NRIP1: variants seen among roughly 807,000 people sequenced by gnomAD.
NRIP1 encodes nuclear receptor-interacting protein 1.
Under a neutral mutation model 75.0 loss-of-function variants are expected in NRIP1, and 28 were observed. The ratio of observed to expected loss-of-function variants is 0.37; its 90% confidence interval spans 0.28 to 0.51. NRIP1 has a LOEUF of 0.51. Ranked by LOEUF, NRIP1 falls within the 20% of genes least tolerant of loss-of-function variation. The pLI is 0.92. For synonymous variants in NRIP1, 526 were observed against 487.6 expected, an observed-to-expected ratio of 1.08 and a Z score of -1.04; for missense variants, 1,435 against 1,343.7, an observed-to-expected ratio of 1.07 and a Z score of -1.06.
chr21:14,975,220 T>C (rs1378216634), intron 3 of NRIP1, among the ~76,000 whole-genome samples: 4 of 105,362 alleles, frequency 3.8e-5, no homozygotes, highest in Non-Finnish European at 9.9e-5. Flanking sequence ...AGCACCATAA[T>C]CATTCACATG....
chr21:15,030,079 T>C (rs983883168), intron 2 of NRIP1, among the ~76,000 whole-genome samples: 2 of 152,168 alleles, frequency 1.3e-5, no homozygotes, highest in Non-Finnish European at 1.5e-5. Flanking sequence ...GGCTTAGGCA[T>C]GGGTATATGA....
intron 1 of NRIP1, among the ~76,000 whole-genome samples, chr21:15,047,245 A>C (rs143270681): frequency 2.2e-3 from 335 of 152,160 alleles, no homozygotes; most frequent in African/African-American, 7.4e-3. Flanking sequence ...GCCTCTTATA[A>C]AACCATCAGA....
intron 3 of NRIP1, among the ~76,000 whole-genome samples, chr21:15,011,339 G>A (rs1054698093): frequency 2.6e-5 from 4 of 152,138 alleles, no homozygotes; most frequent in Non-Finnish European, 4.4e-5. Context: ...ACAGGCGCCC[G>A]CCATGGCGCC....
intron 2 of NRIP1, among the ~76,000 whole-genome samples, chr21:15,031,478 C>T (rs1428581626): frequency 7.0e-6 from 1 of 142,302 alleles, no homozygotes; most frequent in Non-Finnish European, 1.5e-5. Flanking sequence ...TGTGTGTACA[C>T]TCTGGAAGGC....
intron 2 of NRIP1, among the ~76,000 whole-genome samples, chr21:15,026,139 G>A (rs1263271422): frequency 2.0e-5 from 3 of 152,078 alleles, no homozygotes; most frequent in Non-Finnish European, 4.4e-5. Context: ...TGTATTGTAC[G>A]TGTAACTTTT....
Position 14,971,977 on chromosome 21 carries a change from G to A in NRIP1, c.-334-3451C>T, listed in dbSNP as rs2086913396. ...TAAAACGTACCAATTACATGAAGTA[G>A]TGGAGAAAAAGGATTTTCTTATGGA... On this transcript the variant is annotated intron_variant, in intron 3 of 3. Coordinates refer to ENST00000318948, the MANE Select transcript of NRIP1 (RefSeq NM_003489.4). Among the ~76,000 whole-genome samples the A allele has an allele frequency of 2.0e-5, 3 of 152,296 alleles. 1 individual carries two copies. The highest frequency in any genetic ancestry group is 6.8e-3 in the Middle Eastern group (2 of 294).
intron 2 of NRIP1, among the ~76,000 whole-genome samples, chr21:15,022,095 T>C (rs2147212839): frequency 6.6e-6 from 1 of 152,324 alleles, no homozygotes; most frequent in East Asian, 1.9e-4. Flanking sequence ...TGCACATGTA[T>C]GTTCACTGCA....
At chr21:15,008,240 A>G (rs1319614836) in intron 3 of NRIP1, among the ~76,000 whole-genome samples, 1 of 152,206 alleles carries the variant, frequency 6.6e-6, no homozygotes, top group African/African-American at 2.4e-5. Context: ...GACCGCCAGC[A>G]TCAGGGATCA....
In NRIP1 at chr21:15,064,776, C is replaced by T. The variant is rs1978722741; in HGVS notation, c.-569G>A. The T allele has an allele frequency of 6.7e-6, 1 of 148,670 alleles. No homozygotes were observed. The highest frequency in any genetic ancestry group is 2.4e-5 in the African/African-American group (1 of 40,990). 9.2% of individuals were successfully genotyped at this position (148,670 alleles called of 1,614,324 possible). On this transcript the variant is annotated 5_prime_UTR_variant, in exon 1 of 4. Coordinates refer to ENST00000318948, the MANE Select transcript of NRIP1 (RefSeq NM_003489.4). ...CCGCCGCGGCTCCCAGCCTCCGGCTCCGTCAGGCTCGGTCCGCGAAGGCGC... is the reference window on the plus strand; with the variant it reads ...CCGCCGCGGCTCCCAGCCTCCGGCTTCGTCAGGCTCGGTCCGCGAAGGCGC...
intron 3 of NRIP1, among the ~76,000 whole-genome samples, chr21:15,012,562 C>T (rs1243765476): frequency 7.1e-6 from 1 of 139,996 alleles, no homozygotes; most frequent in African/African-American, 2.6e-5. Context: ...AAGTGATTCT[C>T]CTGCCTCAGC....
chr21:14,996,785 A>T (rs1450435047), intron 3 of NRIP1, among the ~76,000 whole-genome samples: 1 of 152,140 alleles, frequency 6.6e-6, no homozygotes, highest in Non-Finnish European at 1.5e-5. Flanking sequence ...GCCACTTCTA[A>T]CATAATATTC....
In NRIP1 at chr21:14,964,055, T is replaced by C. The variant is rs1321657502; in HGVS notation, c.*661A>G. ...AAAGGATCTATCAAACTTCCCTCAA[T>C]TGTAATCAATTTTTACTAAGTAGCA... On this transcript the variant is annotated 3_prime_UTR_variant, in exon 4 of 4. Transcript: ENST00000318948. 1 of 152,514 alleles carries C rather than the reference T, an allele frequency of 6.6e-6. No individual in the cohort carries two copies. Among genetic ancestry groups the C allele is most frequent in the East Asian group, 1.9e-4 (1 of 5,196 alleles). The allele number at this position is 152,514 out of a possible 1,614,324, so 9.4% of individuals were successfully genotyped here. A position where few individuals can be genotyped will look rare whatever the true frequency, so the allele number is the denominator to read the frequency against.
At position 14,966,409 on chromosome 21, in the gene NRIP1, G is replaced by A. The variant is rs1350016742; in HGVS notation, c.1784C>T (p.Ala595Val). ...TGTAAGGTCCATTGAGTGGTTAGAT[G>A]CAGTATTTGTTAGCTTTTCAGACTG... is the stretch of plus-strand genomic sequence containing the variant. ...STQSEKLTNT[A>V]SNHSMDLTKS... The change falls in exon 4 of 4, where the codon GCA (alanine) becomes GTA (valine). Residue 595 changes from alanine to valine, a missense_variant. Ala to Val is a moderately conservative substitution (Grantham distance 64). Transcript: ENST00000318948. 1 of 1,614,048 alleles carries A rather than the reference G, an allele frequency of 6.2e-7. No homozygotes were observed. Among genetic ancestry groups the A allele is most frequent in the Non-Finnish European group, 8.5e-7 (1 of 1,179,950 alleles).
At chr21:14,989,875 G>C (rs2087520966) in intron 3 of NRIP1, among the ~76,000 whole-genome samples, 1 of 151,492 alleles carries the variant, frequency 6.6e-6, no homozygotes, top group African/African-American at 2.4e-5. Context: ...ATTTAGACTA[G>C]GGCCACTAGA....
At chr21:14,975,655 AAGGG>A (rs1375444988) in intron 3 of NRIP1, among the ~76,000 whole-genome samples, 8 of 138,618 alleles carry the variant, frequency 5.8e-5, no homozygotes, top group Middle Eastern at 3.6e-3. Flanking sequence ...GGAAGGAAGG[AAGGG>A]AGAGAGAGAG....
chr21:14,966,589 G>C lies in NRIP1; in HGVS notation c.1604C>G (p.Ala535Gly). The change falls in exon 4 of 4, where the codon GCA becomes GGA. Residue 535 changes from alanine to glycine, a missense_variant. Transcript: ENST00000318948. ...GGGGCTTTCTATCACAGAAGTCCTTGCATAATTTTGTGTATTGAACTTGCT... is the reference window on the plus strand; with the variant it reads ...GGGGCTTTCTATCACAGAAGTCCTTCCATAATTTTGTGTATTGAACTTGCT... Reference protein sequence around the residue: ...DVSKFNTQNYARTSVIESPST... With the variant: ...DVSKFNTQNYGRTSVIESPST... 2 of 1,614,094 alleles carry C rather than the reference G, an allele frequency of 1.2e-6. No individual in the cohort carries two copies.
Position 14,964,847 on chromosome 21 carries a change from C to T in NRIP1, c.3346G>A (p.Ala1116Thr), listed in dbSNP as rs149461209. 2.3e-5 allele frequency: 37 copies of T among 1,613,230 alleles called. No homozygotes were observed. The highest frequency in any genetic ancestry group is 3.0e-5 in the Non-Finnish European group (35 of 1,179,692). Residue 1116 changes from alanine (A) to threonine (T), a missense_variant, in exon 4 of 4, where the codon GCT becomes ACT. By Grantham distance (58) the Ala-to-Thr change is moderately conservative. Coordinates refer to ENST00000318948, the MANE Select transcript of NRIP1 (RefSeq NM_003489.4). ...EELLPTAETK[A>T]SFFNLRSPYN... is the part of the protein sequence containing the mutation. Reference sequence around the variant, plus strand: ...GGGCTTCTTAAATTAAAGAAAGAAGCTTTCGTTTCTGCAGTAGGAAGTAAC... The same window carrying T: ...GGGCTTCTTAAATTAAAGAAAGAAGTTTTCGTTTCTGCAGTAGGAAGTAAC...
chr21:14,997,579 T>C (rs1001637202), intron 3 of NRIP1, among the ~76,000 whole-genome samples: 3 of 151,914 alleles, frequency 2.0e-5, no homozygotes, highest in Non-Finnish European at 1.5e-5. Flanking sequence ...TCGTCTGTTA[T>C]TAACAGCAGG....
At chr21:15,024,490 T>C (rs141254029) in intron 2 of NRIP1, among the ~76,000 whole-genome samples, 1 of 152,002 alleles carries the variant, frequency 6.6e-6, no homozygotes, top group African/African-American at 2.4e-5. Context: ...TGCAGTGAGC[T>C]GAGAACGCAT....
Sources: gnomAD v4.1 joint callset for allele counts (sites outside exome capture counted in the v4.1 genomes callset) on GRCh38, gnomAD v4.1.1 for gene constraint, MANE v1.5 for transcripts, NCBI Gene and HGNC (gene_info 2026-07-23, HGNC 2026-07-21) for gene names.